The following PRRC2B variants were observed in gnomAD, a reference collection of about 807,000 sequenced individuals.
PRRC2B encodes the protein protein PRRC2B.
In PRRC2B, 68 loss-of-function variants were observed where a neutral mutation model predicts 242.3. That is an observed-to-expected ratio of 0.28 (90% CI 0.23 to 0.34). The LOEUF (loss-of-function observed/expected upper bound fraction) is 0.34. Among genes scored for constraint, PRRC2B ranks in the 10% least tolerant of loss-of-function variants. PRRC2B has a pLI of 1.00. For synonymous variants in PRRC2B, 1,228 were observed against 1,173.6 expected (o/e 1.05, Z -0.95); for missense variants, 2,835 against 2,954.8 (o/e 0.96, Z 0.94).
rs188178416 is a variant in PRRC2B at position 131,420,532 on chromosome 9, G to A, written c.-51-9562G>A. ...TTTTGAGATGGAGGCTCCCTCTGTC[G>A]CCCAGGCTGGAGTGCAGTGCATGAT... On this transcript the variant is annotated intron_variant, in intron 1 of 31. Coordinates refer to ENST00000683519, the MANE Select transcript of PRRC2B (RefSeq NM_013318.4). Among the ~76,000 whole-genome samples the A allele has an allele frequency of 4.9e-3, 296 of 60,778 alleles. 2 individuals carry two copies. The highest frequency in any genetic ancestry group is 0.016 in the African/African-American group (287 of 18,046). The allele number at this position is 60,778 out of a possible 152,430, so 39.9% of individuals were successfully genotyped here. A position where few individuals can be genotyped will look rare whatever the true frequency, so the allele number is the denominator to read the frequency against.
intron 5 of PRRC2B, 57 bp from the exon 6 acceptor site, chr9:131,444,128 G>A: frequency 6.3e-7 from 1 of 1,596,528 alleles, no homozygotes; most frequent in Non-Finnish European, 8.6e-7. Context: ...GAGCTGGGAA[G>A]CAGACGACTG....
At chr9:131,448,239 A>T (rs892242588) in intron 9 of PRRC2B, 2 of 153,298 alleles carry the variant, frequency 1.3e-5, no homozygotes, top group African/African-American at 4.8e-5. Context: ...CTCTGCAAGG[A>T]GCAGTAAAAA....
chr9:131,418,237 T>TGAGAA (rs1381172352), intron 1 of PRRC2B, among the ~76,000 whole-genome samples: 1 of 152,230 alleles, frequency 6.6e-6, no homozygotes, highest in African/African-American at 2.4e-5. Context: ...ACTTTGTCAC[T>TGAGAA]GAGAAAACAG....
chr9:131,430,056 C>CT (rs1327978567), intron 1 of PRRC2B, 38 bp from the exon 2 acceptor site: 1 of 615,026 alleles, frequency 1.6e-6, no homozygotes, highest in Non-Finnish European at 2.8e-6. Flanking sequence ...TTTTTTTTCT[C>CT]TCTCTTTTTT....
intron 9 of PRRC2B, among the ~76,000 whole-genome samples, chr9:131,450,544 C>T (rs751661807): frequency 1.3e-4 from 19 of 148,972 alleles, no homozygotes; most frequent in Non-Finnish European, 2.2e-4. Context: ...GGATTACAGG[C>T]GTGAGCCACT....
intron 3 of PRRC2B, 119 bp downstream of exon 3, chr9:131,432,913 C>T (rs912417218): frequency 4.1e-6 from 4 of 977,008 alleles, no homozygotes; most frequent in Non-Finnish European, 4.5e-6. Context: ...CTTGCAGTGG[C>T]AGAATTGGAA....
chr9:131,484,491 A>C (rs961158907), intron 23 of PRRC2B, among the ~76,000 whole-genome samples, 195 bp from the exon 24 acceptor site: 4 of 152,194 alleles, frequency 2.6e-5, no homozygotes, highest in African/African-American at 9.6e-5. Flanking sequence ...CATGTGGCCA[A>C]TACTGAAGAT....
chr9:131,483,530 G>A (rs1943932943), intron 23 of PRRC2B, 85 bp downstream of exon 23: 1 of 1,183,944 alleles, frequency 8.4e-7, no homozygotes, highest in Admixed American at 1.7e-5. Context: ...TGTATTTCAG[G>A]CTGACCTGGG....
chr9:131,499,781 G>A lies in PRRC2B; in HGVS notation c.*3907G>A, dbSNP rs1944418839. On this transcript the variant is annotated 3_prime_UTR_variant, in exon 32 of 32. Coordinates refer to ENST00000683519, the MANE Select transcript of PRRC2B (RefSeq NM_013318.4). ...ATTCCTGCTAAGGCTCTGTGTGGACGCCTTTCTCCCGTGATCTAAAGGGGA... is the reference window on the plus strand; with the variant it reads ...ATTCCTGCTAAGGCTCTGTGTGGACACCTTTCTCCCGTGATCTAAAGGGGA... 1 of 152,330 alleles carries A rather than the reference G, an allele frequency of 6.6e-6. No individual in the cohort carries two copies. The highest frequency in any genetic ancestry group is 1.5e-5 in the Non-Finnish European group (1 of 68,036). The allele number at this position is 152,330 out of a possible 1,614,324, so 9.4% of individuals were successfully genotyped here.
chr9:131,393,926 G>T (rs1385068909), upstream of PRRC2B, among the ~76,000 whole-genome samples: 116 of 148,904 alleles, frequency 7.8e-4, 1 homozygote, highest in Admixed American at 7.6e-3. Context: ...CCCAGCCCTC[G>T]CCCGGCCCCC....
chr9:131,416,981 T>C (rs1030334671), intron 1 of PRRC2B, among the ~76,000 whole-genome samples: 7 of 152,228 alleles, frequency 4.6e-5, no homozygotes, highest in African/African-American at 1.7e-4. Context: ...GTCTGTTTCC[T>C]CTGTTATTTT....
rs1238846820 is a variant in PRRC2B, at chr9:131,487,204, C to T, written c.5894C>T (p.Thr1965Ile). The T allele has an allele frequency of 6.2e-7, 1 of 1,613,662 alleles. No individual in the cohort carries two copies. The highest frequency in any genetic ancestry group is 1.3e-5 in the African/African-American group (1 of 74,942). ...CAGCAGATCCCGATCTCCCTTCACA[C>T]ATCTCTGCAGGCACAAGCTCAGCTT... ...AAQQIPISLH[T>I]SLQAQAQLGL... is the part of the protein sequence containing the mutation. The change falls in exon 27 of 32, where the codon ACA becomes ATA. Residue 1965 changes from threonine (T) to isoleucine (I), a missense_variant. By Grantham distance (89) the Thr-to-Ile change is moderately conservative. This residue lies in a region of PRRC2B where 574 missense variants were observed against 626.0 expected (regional missense o/e 0.92). Coordinates refer to ENST00000683519, the MANE Select transcript of PRRC2B (RefSeq NM_013318.4). This position sits in a 1 kb window ranked among gnomAD's most constrained non-coding sequence, Gnocchi z 5.3.
chr9:131,475,110 C>G lies in PRRC2B; in HGVS notation c.2981C>G (p.Ser994Cys). ...GATGAGGACGAAGAGAACGATGCCT[C>G]TCTGGCCAACTCCTCCACCACCACT... is the stretch of plus-strand genomic sequence containing the variant. The part of the protein sequence containing the change: ...EKDEDEENDA[S>C]LANSSTTTLE... The change falls in exon 16 of 32, where the codon TCT becomes TGT. Residue 994 changes from serine to cysteine, a missense_variant. By Grantham distance (112) the Ser-to-Cys change is moderately radical. Around this residue, in one of 7 missense-constraint regions of PRRC2B, gnomAD observed 1,536 missense variants for 1,483.1 expected, o/e 1.04. Transcript: ENST00000683519. The G allele has an allele frequency of 6.2e-7, 1 of 1,611,796 alleles. No homozygotes were observed. The highest frequency in any genetic ancestry group is 8.5e-7 in the Non-Finnish European group (1 of 1,178,952).
At chr9:131,469,901 T>C (rs1943493205) in intron 13 of PRRC2B, among the ~76,000 whole-genome samples, 1 of 152,074 alleles carries the variant, frequency 6.6e-6, no homozygotes, top group South Asian at 2.1e-4. Context: ...TAGGGTTCAG[T>C]GAGGGTTACC....
intron 5 of PRRC2B, among the ~76,000 whole-genome samples, chr9:131,442,424 G>A (rs915171126): frequency 6.6e-6 from 1 of 152,164 alleles, no homozygotes; most frequent in African/African-American, 2.4e-5. Context: ...GCGACTCTGA[G>A]TCAGAGCCCC....
intron 5 of PRRC2B, among the ~76,000 whole-genome samples, chr9:131,443,507 C>T (rs1019002975): frequency 6.6e-6 from 1 of 151,894 alleles, no homozygotes; most frequent in African/African-American, 2.4e-5. Flanking sequence ...GTTTTCGGCT[C>T]ACTGCAACCT....
chr9:131,433,665 G>T (rs578258556), intron 3 of PRRC2B, among the ~76,000 whole-genome samples: 1 of 152,310 alleles, frequency 6.6e-6, no homozygotes, highest in South Asian at 2.1e-4. Context: ...TGGCGGCAGC[G>T]CCCTCCTGGC....
At chr9:131,447,568 A>G (rs977157582) in intron 8 of PRRC2B, 94 bp from the exon 9 acceptor site, 4 of 1,203,006 alleles carry the variant, frequency 3.3e-6, no homozygotes, top group African/African-American at 3.1e-5. Flanking sequence ...ATCAAACATG[A>G]ACCTTTGCAG....
At chr9:131,439,898 TG>T (rs1838503849) in intron 5 of PRRC2B, among the ~76,000 whole-genome samples, 1 of 28,352 alleles carries the variant, frequency 3.5e-5, no homozygotes. Flanking sequence ...GACATCTGGC[TG>T]ATTTTTTTTT....
Sources: allele counts gnomAD v4.1 joint callset (sites outside exome capture counted in the v4.1 genomes callset), GRCh38; gene constraint gnomAD v4.1.1; regional missense constraint gnomAD v4.1.1; non-coding constraint Gnocchi (gnomAD v3.1); transcripts MANE v1.5; gene names NCBI Gene and HGNC (gene_info 2026-07-23, HGNC 2026-07-21).